LARP4B: variants seen among roughly 807,000 people sequenced by gnomAD.
LARP4B encodes la-related protein 4B.
LARP4B carries 12 observed loss-of-function variants against 89.8 expected under a neutral mutation model. The observed-to-expected ratio is 0.13, with a 90% CI of 0.09 to 0.22. The LOEUF (loss-of-function observed/expected upper bound fraction) is 0.22, where lower values mean the gene tolerates loss of function less well. Among genes scored for constraint, LARP4B ranks in the 10% least tolerant of loss-of-function variants. The probability of loss-of-function intolerance (pLI) is 1.00; values close to 1 mark genes in which losing one functional copy is unlikely to be tolerated. For missense variants in LARP4B, 757 were observed against 947.7 expected, an observed-to-expected ratio of 0.80 and a Z score of 2.64; for synonymous variants, 367 against 363.3, an observed-to-expected ratio of 1.01 and a Z score of -0.12.
chr10:936,593 G>A (rs1285403250), upstream of LARP4B, among the ~76,000 whole-genome samples: 7 of 152,092 alleles, frequency 4.6e-5, 1 homozygote, highest in Admixed American at 3.3e-4. Flanking sequence ...CGTGGTGGCG[G>A]TCGCCTGTAG....
intron 1 of LARP4B, among the ~76,000 whole-genome samples, chr10:921,461 G>C (rs975981977): frequency 1.3e-5 from 2 of 152,072 alleles, no homozygotes; most frequent in African/African-American, 4.8e-5. Flanking sequence ...CTCAATAACA[G>C]AATAAAACTA....
At chr10:866,017 G>T (rs1263680988) in intron 3 of LARP4B, among the ~76,000 whole-genome samples, 2 of 152,218 alleles carry the variant, frequency 1.3e-5, no homozygotes, top group Non-Finnish European at 2.9e-5. Flanking sequence ...ATTTTTAAAA[G>T]ACAGAATAAA....
intron 1 of LARP4B, chr10:903,509 A>T (rs1836400736): frequency 2.0e-5 from 3 of 152,182 alleles, no homozygotes; most frequent in Admixed American, 2.0e-4. Context: ...GCTTCCTCTC[A>T]TTTACATCTG....
At chr10:963,011 T>A in the LARP4B span, among the ~76,000 whole-genome samples, 1 of 152,176 alleles carries the variant, frequency 6.6e-6, no homozygotes, top group Non-Finnish European at 1.5e-5. Context: ...AGGTGGTAGC[T>A]GGATGTTGCT....
chr10:939,610 G>A, the LARP4B span, among the ~76,000 whole-genome samples: 1,611 of 152,284 alleles, frequency 0.011, 27 homozygotes, highest in African/African-American at 0.036. Context: ...CTACACATAG[G>A]CATAAAATTA....
intron 8 of LARP4B, among the ~76,000 whole-genome samples, chr10:832,570 G>A (rs111889160): frequency 1.3e-5 from 2 of 152,160 alleles, no homozygotes; most frequent in Non-Finnish European, 2.9e-5. Flanking sequence ...AAAACCAGTA[G>A]TAAAATCTTC....
intron 7 of LARP4B, among the ~76,000 whole-genome samples, chr10:839,816 A>G (rs1833431091): frequency 6.6e-6 from 1 of 152,198 alleles, no homozygotes; most frequent in Non-Finnish European, 1.5e-5. Context: ...GAGAGAGGGA[A>G]GCACATGGTC....
chr10:931,038 C>T (rs895617450), intron 1 of LARP4B, among the ~76,000 whole-genome samples: 11 of 151,158 alleles, frequency 7.3e-5, no homozygotes, highest in African/African-American at 2.4e-4. Flanking sequence ...CGACCCTGAC[C>T]CCGGCCCGGT....
chr10:813,530 C>T (rs1463939560), intron 17 of LARP4B, among the ~76,000 whole-genome samples: 1 of 152,206 alleles, frequency 6.6e-6, no homozygotes, highest in Admixed American at 6.5e-5. Context: ...CGGATGCTGC[C>T]CACACTGGCT....
At chr10:964,267 A>G in the LARP4B span, among the ~76,000 whole-genome samples, 2 of 152,100 alleles carry the variant, frequency 1.3e-5, no homozygotes, top group African/African-American at 4.8e-5. Context: ...GGGTTTCACC[A>G]TGTTGGCCAG....
intron 3 of LARP4B, among the ~76,000 whole-genome samples, chr10:879,524 G>T (rs980056744): frequency 2.0e-5 from 3 of 152,180 alleles, no homozygotes; most frequent in Admixed American, 6.5e-5. Flanking sequence ...TAGAGACAGG[G>T]TCTCCCTCTG....
At chr10:929,334 C>T (rs1447275381) in intron 1 of LARP4B, among the ~76,000 whole-genome samples, 1 of 152,208 alleles carries the variant, frequency 6.6e-6, no homozygotes, top group East Asian at 1.9e-4. Flanking sequence ...GTGGCTCACT[C>T]CTGTAATCCC....
chr10:870,402 T>C (rs913506256), intron 3 of LARP4B, among the ~76,000 whole-genome samples: 3 of 152,216 alleles, frequency 2.0e-5, no homozygotes, highest in Non-Finnish European at 4.4e-5. Context: ...ATCGTGTCTT[T>C]GCTGTCCACG....
chr10:965,123 G>C, the LARP4B span, among the ~76,000 whole-genome samples: 1 of 152,214 alleles, frequency 6.6e-6, no homozygotes, highest in Non-Finnish European at 1.5e-5. Context: ...CCGCCTGCCT[G>C]TGGTCCACAC....
intron 3 of LARP4B, among the ~76,000 whole-genome samples, chr10:876,325 C>G (rs890711692): frequency 2.0e-5 from 3 of 151,956 alleles, no homozygotes; most frequent in African/African-American, 7.3e-5. Context: ...TCAGAGGCTG[C>G]AGTGAGCAGA....
At position 817,905 on chromosome 10, in the gene LARP4B, AC is replaced by A. The variant is rs1403556762; in HGVS notation, c.1531-17del. ...TCTGGCTGCTCTGCAACAGAATGACACCCCAGGGTCACGGTATGGAGAGAGA... is the reference window on the plus strand; with the variant it reads ...TCTGGCTGCTCTGCAACAGAATGACACCCAGGGTCACGGTATGGAGAGAGA... On this transcript the variant is annotated splice_polypyrimidine_tract_variant and intron_variant, in intron 14 of 17. Transcript: ENST00000316157. 4 of 1,608,528 alleles carry A rather than the reference AC, an allele frequency of 2.5e-6. No individual in the cohort carries two copies. Among genetic ancestry groups the A allele is most frequent in the African/African-American group, 2.7e-5 (2 of 74,868 alleles).
chr10:871,068 T>C (rs1050310026), intron 3 of LARP4B, among the ~76,000 whole-genome samples: 3 of 152,172 alleles, frequency 2.0e-5, no homozygotes, highest in African/African-American at 7.2e-5. Context: ...CACTCATAGG[T>C]TGTTTTAGAA....
At chr10:933,893 C>T (rs921517037), upstream of LARP4B, among the ~76,000 whole-genome samples, 32 of 151,760 alleles carry the variant, frequency 2.1e-4, no homozygotes, top group Non-Finnish European at 4.4e-4. Context: ...AGTGCCGTGG[C>T]ATAATCTCGG....
chr10:830,370 C>T (rs1310744091), intron 9 of LARP4B, among the ~76,000 whole-genome samples: 2 of 152,156 alleles, frequency 1.3e-5, no homozygotes, highest in Admixed American at 1.3e-4. Context: ...TTTTCTGAAC[C>T]CCACATACTG....
Sources: gnomAD v4.1 joint callset for allele counts (sites outside exome capture counted in the v4.1 genomes callset) on GRCh38, gnomAD v4.1.1 for gene constraint, MANE v1.5 for transcripts, NCBI Gene and HGNC (gene_info 2026-07-23, HGNC 2026-07-21) for gene names.